Variants in MGAT4C observed in about 807,000 individuals in gnomAD.
MGAT4C encodes the protein MGAT4 family member C, also known as alpha-1,3-mannosyl-glycoprotein 4-beta-N-acetylglucosaminyltransferase C.
In MGAT4C, 19 loss-of-function variants were observed where a neutral mutation model predicts 40.1. That is an observed-to-expected ratio of 0.47 (90% CI 0.33 to 0.70). MGAT4C has a LOEUF of 0.70. Ranked by LOEUF, MGAT4C falls within the 30% of genes least tolerant of loss-of-function variation. The pLI, the probability that MGAT4C is intolerant of heterozygous loss-of-function variation, is 0.02. For synonymous variants in MGAT4C, 181 were observed against 187.1 expected, an observed-to-expected ratio of 0.97 and a Z score of 0.27; for missense variants, 491 against 563.2, an observed-to-expected ratio of 0.87 and a Z score of 1.30.
intron 3 of MGAT4C, among the ~76,000 whole-genome samples, chr12:86,343,533 G>T (rs1954946960): frequency 6.6e-6 from 1 of 151,834 alleles, no homozygotes; most frequent in African/African-American, 2.4e-5. Flanking sequence ...TAAGCCTATT[G>T]CCCAAAAATT....
intron 2 of MGAT4C, among the ~76,000 whole-genome samples, chr12:86,697,991 A>G (rs1018614497): frequency 6.6e-6 from 1 of 152,110 alleles, no homozygotes; most frequent in Middle Eastern, 3.2e-3. Flanking sequence ...TATTTACCCA[A>G]TCAGTACTCT....
chr12:86,197,653 T>C (rs959535722), intron 1 of MGAT4C, among the ~76,000 whole-genome samples: 3 of 152,204 alleles, frequency 2.0e-5, no homozygotes, highest in African/African-American at 7.2e-5. Context: ...TAAGCCACCT[T>C]ACTCTATGAA....
chr12:86,372,154 C>T (rs1226165453), intron 3 of MGAT4C, among the ~76,000 whole-genome samples: 4 of 151,606 alleles, frequency 2.6e-5, no homozygotes, highest in Admixed American at 2.6e-4. Context: ...GCATAGCTAA[C>T]CATTTATTTG....
Position 86,748,370 on chromosome 12 carries a change from G to A in MGAT4C, c.-261-21129C>T, listed in dbSNP as rs2217236. Among the ~76,000 whole-genome samples, 1,105 of 151,748 alleles carry A rather than the reference G, an allele frequency of 7.3e-3. 7 individuals carry two copies. The highest frequency in any genetic ancestry group is 0.012 in the Non-Finnish European group (792 of 67,750). On this transcript the variant is annotated intron_variant, in intron 1 of 7. Coordinates refer to the MGAT4C transcript ENST00000548651. ...TGATTATAGAAACTGGAAGCCTGGCGAAGAGCCAGAAATTAAACATTTTAT... is the reference window on the plus strand; with the variant it reads ...TGATTATAGAAACTGGAAGCCTGGCAAAGAGCCAGAAATTAAACATTTTAT...
chr12:86,520,981 A>G (rs1350877063), intron 2 of MGAT4C, among the ~76,000 whole-genome samples: 1 of 152,158 alleles, frequency 6.6e-6, no homozygotes, highest in African/African-American at 2.4e-5. Context: ...CACTTGCCAG[A>G]TATATAGTTT....
chr12:86,492,000 T>C (rs528050742), intron 2 of MGAT4C, among the ~76,000 whole-genome samples: 2 of 151,576 alleles, frequency 1.3e-5, no homozygotes, highest in African/African-American at 2.4e-5. Context: ...TATACACCAA[T>C]AACAGACAAA....
intron 2 of MGAT4C, among the ~76,000 whole-genome samples, chr12:86,542,645 A>G (rs1297500744): frequency 6.6e-6 from 1 of 152,178 alleles, no homozygotes; most frequent in Non-Finnish European, 1.5e-5. Flanking sequence ...TCCAGCAACT[A>G]TATCAGTACC....
At chr12:86,488,156 G>A (rs1958057660) in intron 2 of MGAT4C, among the ~76,000 whole-genome samples, 1 of 151,756 alleles carries the variant, frequency 6.6e-6, no homozygotes, top group Non-Finnish European at 1.5e-5. Flanking sequence ...AGGCTGAAGT[G>A]AGAGGATAGT....
At chr12:86,017,596 C>T (rs1889226591) in intron 2 of MGAT4C, among the ~76,000 whole-genome samples, 1 of 152,064 alleles carries the variant, frequency 6.6e-6, no homozygotes, top group South Asian at 2.1e-4. Context: ...ACACTATGTA[C>T]AGTTAGAAGA....
chr12:86,489,471 G>A (rs551103266), intron 2 of MGAT4C, among the ~76,000 whole-genome samples: 1 of 152,320 alleles, frequency 6.6e-6, no homozygotes, highest in South Asian at 2.1e-4. Flanking sequence ...TGCTGCCAGA[G>A]GGCAGCTGCC....
At chr12:86,504,431 A>G (rs988608773) in intron 2 of MGAT4C, among the ~76,000 whole-genome samples, 1 of 152,182 alleles carries the variant, frequency 6.6e-6, no homozygotes, top group African/African-American at 2.4e-5. Context: ...GAGTATTAAC[A>G]AGTGATAGAA....
intron 1 of MGAT4C, among the ~76,000 whole-genome samples, chr12:86,165,110 A>G (rs1423590418): frequency 6.6e-6 from 1 of 152,182 alleles, no homozygotes; most frequent in African/African-American, 2.4e-5. Context: ...AATAAACCTT[A>G]GTCACATATT....
chr12:86,372,795 CTG>C (rs958878129), intron 3 of MGAT4C, among the ~76,000 whole-genome samples: 1 of 151,754 alleles, frequency 6.6e-6, no homozygotes, highest in African/African-American at 2.4e-5. Context: ...TTCATTTGTT[CTG>C]TGTTTAGTAT....
intron 1 of MGAT4C, among the ~76,000 whole-genome samples, chr12:86,760,011 C>T (rs180946824): frequency 6.6e-6 from 1 of 152,208 alleles, no homozygotes; most frequent in East Asian, 1.9e-4. Context: ...ACCACATCAC[C>T]TATCTTCAAA....
chr12:86,472,553 T>C (rs960488837), intron 2 of MGAT4C, among the ~76,000 whole-genome samples: 1 of 152,140 alleles, frequency 6.6e-6, no homozygotes, highest in African/African-American at 2.4e-5. Context: ...TTTTCATCCA[T>C]CTATATATAT....
chr12:86,572,324 C>G (rs1239912373), intron 2 of MGAT4C, among the ~76,000 whole-genome samples: 1 of 152,076 alleles, frequency 6.6e-6, no homozygotes, highest in African/African-American at 2.4e-5. Flanking sequence ...CCTTCATCCC[C>G]TTCTTTCCCT....
At chr12:86,762,014 G>C (rs1230382220) in intron 1 of MGAT4C, among the ~76,000 whole-genome samples, 1 of 151,574 alleles carries the variant, frequency 6.6e-6, no homozygotes, top group Non-Finnish European at 1.5e-5. Flanking sequence ...CTCTGCTCAG[G>C]GTCTTAACAG....
intron 2 of MGAT4C, among the ~76,000 whole-genome samples, chr12:86,500,892 G>A (rs986361860): frequency 2.0e-5 from 3 of 152,020 alleles, no homozygotes; most frequent in African/African-American, 7.2e-5. Flanking sequence ...TTTATTGCTT[G>A]AATGTAATCT....
chr12:86,632,035 C>G (rs2136507184), intron 2 of MGAT4C, among the ~76,000 whole-genome samples: 1 of 152,096 alleles, frequency 6.6e-6, no homozygotes, highest in East Asian at 1.9e-4. Context: ...CCAGAATCTA[C>G]AAAGAACTTA....
Sources: gnomAD v4.1 joint callset for allele counts (sites outside exome capture counted in the v4.1 genomes callset) on GRCh38, gnomAD v4.1.1 for gene constraint, MANE v1.5 for transcripts, NCBI Gene and HGNC (gene_info 2026-07-23, HGNC 2026-07-21) for gene names.